Variants in CARMIL1 observed in about 807,000 individuals in gnomAD.
CARMIL1 encodes the protein F-actin-uncapping protein LRRC16A.
Under a neutral mutation model 177.1 loss-of-function variants are expected in CARMIL1, and 90 were observed. That is an observed-to-expected ratio of 0.51 (90% CI 0.43 to 0.61). The LOEUF is 0.61. Among genes scored for constraint, CARMIL1 ranks in the 20% least tolerant of loss-of-function variants. The pLI, the probability that CARMIL1 is intolerant of heterozygous loss-of-function variation, is 0.00. For missense variants in CARMIL1, 1,380 were observed against 1,667.0 expected (o/e 0.83, Z 3.00); for synonymous variants, 577 against 606.2 (o/e 0.95, Z 0.71).
At chr6:25,468,408 C>G (rs1800818580) in intron 9 of CARMIL1, among the ~76,000 whole-genome samples, 1 of 152,108 alleles carries the variant, frequency 6.6e-6, no homozygotes, top group Non-Finnish European at 1.5e-5. Flanking sequence ...TTCTAAAGTT[C>G]CATTTTTTAA....
At chr6:25,440,137 G>T (rs1175759351) in intron 5 of CARMIL1, among the ~76,000 whole-genome samples, 1 of 152,178 alleles carries the variant, frequency 6.6e-6, no homozygotes, top group East Asian at 1.9e-4. Context: ...ACCTTGTTGG[G>T]TGATGTACCA....
chr6:25,403,569 C>T (rs1562091939), intron 2 of CARMIL1, among the ~76,000 whole-genome samples: 1 of 152,198 alleles, frequency 6.6e-6, no homozygotes, highest in Non-Finnish European at 1.5e-5. Context: ...CAAGGCTCTT[C>T]TTTATTTTTC....
intron 8 of CARMIL1, among the ~76,000 whole-genome samples, chr6:25,459,227 T>TTTCC (rs1214309758): frequency 7.3e-5 from 6 of 82,682 alleles, no homozygotes; most frequent in African/African-American, 1.8e-4. Context: ...TCTTTCTTTC[T>TTTCC]TTCTTTCTTT....
chr6:25,526,397 A>T (rs1025781326), intron 23 of CARMIL1, among the ~76,000 whole-genome samples: 2 of 139,088 alleles, frequency 1.4e-5, no homozygotes, highest in African/African-American at 5.3e-5. Context: ...GTTAACTGTA[A>T]AATTTGTGCT....
Position 25,500,228 on chromosome 6 carries a change from A to C in CARMIL1, c.1388A>C (p.Asn463Thr). 6.2e-7 allele frequency: 1 copy of C among 1,613,790 alleles called. No individual in the cohort carries two copies. Among genetic ancestry groups the C allele is most frequent in the Non-Finnish European group, 8.5e-7 (1 of 1,179,722 alleles). Residue 463 changes from asparagine (N) to threonine (T), a missense_variant, in exon 17 of 37, where the codon AAC becomes ACC. Transcript: ENST00000329474. ...AAAGGGGTTTCTCTGGATCTCAGCA[A>C]CTGTGAGGTAAGAACACCCTTAGAT... is the stretch of plus-strand genomic sequence containing the variant. Reference protein sequence around the residue: ...NLKGVSLDLSNCELRSGGAQV... With the variant: ...NLKGVSLDLSTCELRSGGAQV...
chr6:25,340,043 A>T (rs4712912), intron 2 of CARMIL1, among the ~76,000 whole-genome samples: 22,500 of 152,100 alleles, frequency 0.15, 1,850 homozygotes, highest in East Asian at 0.27. Flanking sequence ...TTTGTAATTT[A>T]TTCGGCTCCT....
At chr6:25,428,887 C>T (rs1380984308) in intron 4 of CARMIL1, among the ~76,000 whole-genome samples, 1 of 152,142 alleles carries the variant, frequency 6.6e-6, no homozygotes, top group African/African-American at 2.4e-5. Flanking sequence ...CTGTAACCTG[C>T]TATCTTGTTC....
rs375576539 is a variant in CARMIL1, at chr6:25,606,236, C to G, written c.3810C>G (p.Pro1270=). The G allele has an allele frequency of 1.2e-6, 2 of 1,613,894 alleles. No homozygotes were observed. The highest frequency in any genetic ancestry group is 8.5e-7 in the Non-Finnish European group (1 of 1,179,880). ...CCAAACCCAGTCTGGCAGCACGGCC[C>G]GTCATCCCGCAGAAACCAAGAACCG... The part of the protein sequence containing the change: ...QSPKPSLAAR[P]VIPQKPRTAS... The change falls in exon 35 of 37, where the codon CCC becomes CCG. Residue 1270 remains proline (P), a synonymous_variant. Coordinates refer to ENST00000329474, the MANE Select transcript of CARMIL1 (RefSeq NM_017640.6).
At chr6:25,300,133 T>C in intron 2 of CARMIL1, among the ~76,000 whole-genome samples, 1 of 152,220 alleles carries the variant, frequency 6.6e-6, no homozygotes, top group East Asian at 1.9e-4. Context: ...GAGTTATGTC[T>C]AAGTCTCGAA....
intron 2 of CARMIL1, among the ~76,000 whole-genome samples, chr6:25,386,975 C>A (rs1333910904): frequency 6.6e-6 from 1 of 151,818 alleles, no homozygotes; most frequent in Non-Finnish European, 1.5e-5. Context: ...CACAAAAATA[C>A]AAAAATTAGC....
intron 12 of CARMIL1, among the ~76,000 whole-genome samples, chr6:25,484,424 A>C (rs931812610): frequency 6.6e-6 from 1 of 152,262 alleles, no homozygotes; most frequent in Non-Finnish European, 1.5e-5. Context: ...TTTTATGTGC[A>C]CACATTTATA....
chr6:25,426,452 A>G, intron 3 of CARMIL1, 49 bp from the exon 4 acceptor site: 1 of 1,410,590 alleles, frequency 7.1e-7, no homozygotes, highest in Non-Finnish European at 9.8e-7. Context: ...ATGTTTTTTT[A>G]AAACCCTCAT....
At chr6:25,481,064 G>A (rs1802080644) in intron 11 of CARMIL1, among the ~76,000 whole-genome samples, 1 of 149,954 alleles carries the variant, frequency 6.7e-6, no homozygotes, top group Admixed American at 6.6e-5. Context: ...CAGTTATTCT[G>A]TCTTCCCCCC....
rs139527372 is a variant in CARMIL1 at position 25,615,527 on chromosome 6, C to T, written c.3980-3920C>T. Among the ~76,000 whole-genome samples the T allele has an allele frequency of 6.8e-3, 1,028 of 152,150 alleles. 38 individuals are homozygous for T. Among genetic ancestry groups the T allele is most frequent in the Non-Finnish European group, 1.8e-3 (123 of 67,976 alleles). ...AAATAGTTGATTTTGGCTTTGAATG[C>T]GTTGTAATGGCTCCTGTTTGTACAG... On this transcript the variant is annotated intron_variant, in intron 36 of 36. Coordinates refer to ENST00000329474, the MANE Select transcript of CARMIL1 (RefSeq NM_017640.6).
At chr6:25,483,142 G>C (rs575323161) in intron 12 of CARMIL1, among the ~76,000 whole-genome samples, 6 of 152,266 alleles carry the variant, frequency 3.9e-5, no homozygotes, top group Admixed American at 3.9e-4. Context: ...TGTCTTTCCT[G>C]CTACACTGGG....
chr6:25,533,168 C>CAA (rs1360881567), intron 24 of CARMIL1, among the ~76,000 whole-genome samples: 1 of 152,228 alleles, frequency 6.6e-6, no homozygotes, highest in East Asian at 1.9e-4. Flanking sequence ...GTTAAACACT[C>CAA]ACTTTGCAAC....
chr6:25,574,194 G>C (rs528968306), intron 29 of CARMIL1, among the ~76,000 whole-genome samples: 1 of 152,214 alleles, frequency 6.6e-6, no homozygotes. Flanking sequence ...CTGCAGAATA[G>C]TAAGTCCAGA....
At chr6:25,341,425 A>G (rs965656262) in intron 2 of CARMIL1, among the ~76,000 whole-genome samples, 1 of 152,226 alleles carries the variant, frequency 6.6e-6, no homozygotes, top group African/African-American at 2.4e-5. Flanking sequence ...TTTTATATAT[A>G]GAAAACTCAG....
intron 22 of CARMIL1, among the ~76,000 whole-genome samples, chr6:25,518,231 T>A (rs1198523839): frequency 6.6e-6 from 1 of 152,236 alleles, no homozygotes; most frequent in Non-Finnish European, 1.5e-5. Context: ...CCTGACATGG[T>A]GTTGTGGTAC....
Sources: gnomAD v4.1 joint callset for allele counts (sites outside exome capture counted in the v4.1 genomes callset) on GRCh38, gnomAD v4.1.1 for gene constraint, MANE v1.5 for transcripts, NCBI Gene and HGNC (gene_info 2026-07-23, HGNC 2026-07-21) for gene names.